Variants in SV2C observed in about 807,000 individuals in gnomAD.
SV2C encodes solute carrier family 22 member B3.
SV2C carries 49 observed loss-of-function variants against 79.7 expected under a neutral mutation model. The ratio of observed to expected loss-of-function variants is 0.61; its 90% confidence interval spans 0.49 to 0.78. SV2C has a LOEUF of 0.78. Among genes scored for constraint, SV2C ranks in the 30% least tolerant of loss-of-function variants. The pLI is 0.00. For synonymous variants in SV2C, 334 were observed against 333.2 expected, an observed-to-expected ratio of 1.00 and a Z score of -0.03; for missense variants, 833 against 912.9, an observed-to-expected ratio of 0.91 and a Z score of 1.13.
At chr5:76,064,296 G>C in the SV2C span, among the ~76,000 whole-genome samples, 1 of 152,178 alleles carries the variant, frequency 6.6e-6, no homozygotes, top group African/African-American at 2.4e-5. Context: ...AAACCACAGA[G>C]CTCAGGCCCT....
the SV2C span, among the ~76,000 whole-genome samples, chr5:75,918,690 A>G: frequency 6.6e-6 from 1 of 152,238 alleles, no homozygotes; most frequent in African/African-American, 2.4e-5. Flanking sequence ...AAAAAGGACT[A>G]ACTCTTGAAT....
chr5:76,086,128 G>A (rs1747188203), intron 1 of SV2C, among the ~76,000 whole-genome samples: 1 of 152,114 alleles, frequency 6.6e-6, no homozygotes, highest in African/African-American at 2.4e-5. Flanking sequence ...CAGCAGACTG[G>A]CCTAACAGCT....
At chr5:75,998,019 G>A in the SV2C span, among the ~76,000 whole-genome samples, 1 of 152,080 alleles carries the variant, frequency 6.6e-6, no homozygotes, top group Middle Eastern at 3.4e-3. Context: ...CCATAAAAAA[G>A]GATGAGTTCA....
intron 4 of SV2C, among the ~76,000 whole-genome samples, chr5:76,212,904 T>C (rs186241534): frequency 9.2e-5 from 14 of 152,310 alleles, no homozygotes; most frequent in Admixed American, 5.9e-4. Flanking sequence ...CTTTCCTTTT[T>C]CCAAAGTACA....
At chr5:76,306,839 C>T (rs1429767800) in intron 12 of SV2C, among the ~76,000 whole-genome samples, 1 of 152,040 alleles carries the variant, frequency 6.6e-6, no homozygotes, top group Non-Finnish European at 1.5e-5. Flanking sequence ...CAAATTAAAG[C>T]AATTATGACA....
At chr5:75,874,296 A>G in the SV2C span, among the ~76,000 whole-genome samples, 1 of 152,162 alleles carries the variant, frequency 6.6e-6, no homozygotes, top group Non-Finnish European at 1.5e-5. Flanking sequence ...AGAACTAAAG[A>G]CAAAAAAAAC....
At chr5:76,198,532 A>G (rs1428039883) in intron 3 of SV2C, among the ~76,000 whole-genome samples, 1 of 152,162 alleles carries the variant, frequency 6.6e-6, no homozygotes. Context: ...CCTTTTCTTT[A>G]TAAACTGCCC....
the SV2C span, among the ~76,000 whole-genome samples, chr5:76,023,766 T>G: frequency 1.3e-5 from 2 of 152,012 alleles, no homozygotes; most frequent in South Asian, 4.2e-4. Flanking sequence ...ACTCTGTAAC[T>G]TTTTCTTTAA....
the SV2C span, among the ~76,000 whole-genome samples, chr5:75,899,577 T>G: frequency 6.6e-6 from 1 of 152,150 alleles, no homozygotes; most frequent in Non-Finnish European, 1.5e-5. Context: ...AGATGTCTAT[T>G]AGGTCCGCTT....
chr5:76,314,021 A>G (rs1305555678), intron 12 of SV2C, among the ~76,000 whole-genome samples: 1 of 152,214 alleles, frequency 6.6e-6, no homozygotes, highest in Non-Finnish European at 1.5e-5. Context: ...TTTATACTGA[A>G]GTACTTAAAG....
chr5:76,206,067 TAAAC>T (rs148472510), intron 3 of SV2C, among the ~76,000 whole-genome samples: 2,032 of 150,670 alleles, frequency 0.013, 53 homozygotes, highest in African/African-American at 0.048. Context: ...CTTAGTGTAA[TAAAC>T]AAACAAAAAA....
intron 12 of SV2C, among the ~76,000 whole-genome samples, chr5:76,310,049 CA>C (rs34045605): frequency 0.038 from 5,302 of 140,558 alleles, 120 homozygotes; most frequent in Middle Eastern, 0.096. Context: ...CTATTTCATT[CA>C]AAAAAAAAAA....
chr5:76,118,840 A>G (rs183240316), intron 1 of SV2C, among the ~76,000 whole-genome samples: 108 of 152,286 alleles, frequency 7.1e-4, no homozygotes, highest in African/African-American at 2.3e-3. Context: ...AAAGTTAGCC[A>G]GGCATGGTGG....
chr5:76,164,788 G>C (rs775818955), intron 2 of SV2C, among the ~76,000 whole-genome samples: 5 of 147,452 alleles, frequency 3.4e-5, no homozygotes, highest in Admixed American at 6.9e-5. Flanking sequence ...CAGTATCTGT[G>C]TGGGATTGGG....
chr5:76,186,470 T>A (rs1225983888), intron 2 of SV2C, among the ~76,000 whole-genome samples: 1 of 152,156 alleles, frequency 6.6e-6, no homozygotes, highest in Non-Finnish European at 1.5e-5. Flanking sequence ...GGCAGGCAGA[T>A]CACCTGAGAT....
chr5:75,966,964 A>C, the SV2C span, among the ~76,000 whole-genome samples: 1 of 152,196 alleles, frequency 6.6e-6, no homozygotes, highest in Non-Finnish European at 1.5e-5. Context: ...TAATATATAT[A>C]TTCACAATTA....
chr5:76,301,516 C>A lies in SV2C; in HGVS notation c.1971C>A (p.Val657=). 6.2e-7 allele frequency: 1 copy of A among 1,613,978 alleles called. No homozygotes were observed. Among genetic ancestry groups the A allele is most frequent in the South Asian group, 1.1e-5 (1 of 91,044 alleles). ...TISAWNSLDV[V]TVELYPTDRR... is the part of the protein sequence containing the mutation. ...CAGCCTGGAACTCTCTTGACGTGGT[C>A]ACTGTGGAACTGTACCCCACAGACC... is the stretch of plus-strand genomic sequence containing the variant. The change falls in exon 12 of 13, where the codon GTC becomes GTA. Residue 657 remains valine, a synonymous_variant. Coordinates refer to ENST00000502798, the MANE Select transcript of SV2C (RefSeq NM_014979.4).
At chr5:75,947,129 G>C in the SV2C span, among the ~76,000 whole-genome samples, 1 of 152,014 alleles carries the variant, frequency 6.6e-6, no homozygotes. Context: ...TCTAAAATGA[G>C]AAGAGTTTGG....
chr5:76,148,296 C>T (rs2112223652), intron 2 of SV2C, among the ~76,000 whole-genome samples: 1 of 152,224 alleles, frequency 6.6e-6, no homozygotes, highest in South Asian at 2.1e-4. Flanking sequence ...AAGTAGTAGG[C>T]TTAAATTATT....
Sources: gnomAD v4.1 joint callset for allele counts (sites outside exome capture counted in the v4.1 genomes callset) on GRCh38, gnomAD v4.1.1 for gene constraint, MANE v1.5 for transcripts, NCBI Gene and HGNC (gene_info 2026-07-23, HGNC 2026-07-21) for gene names.